STARD9: variants seen among roughly 807,000 people sequenced by gnomAD.
STARD9 encodes the protein StAR related lipid transfer domain containing 9.
STARD9 carries 346 observed loss-of-function variants against 399.8 expected under a neutral mutation model. The ratio of observed to expected loss-of-function variants is 0.87; its 90% CI spans 0.79 to 0.95. The LOEUF (loss-of-function observed/expected upper bound fraction) is 0.95. STARD9 is among the 40% of genes least tolerant of loss of function. STARD9 has a pLI of 0.00. For missense variants in STARD9, 5,832 were observed against 5,667.5 expected (o/e 1.03, Z -0.93); for synonymous variants, 2,203 against 2,143.5 (o/e 1.03, Z -0.77).
intron 1 of STARD9, among the ~76,000 whole-genome samples, chr15:42,579,057 A>C (rs1215236764): frequency 6.6e-6 from 1 of 152,180 alleles, no homozygotes; most frequent in African/African-American, 2.4e-5. Context: ...ATGGCTACTT[A>C]ACTATGAGGG....
At chr15:42,642,842 A>C (rs1211511859) in intron 7 of STARD9, among the ~76,000 whole-genome samples, 4 of 152,196 alleles carry the variant, frequency 2.6e-5, no homozygotes, top group African/African-American at 9.7e-5. Flanking sequence ...ACTGTCATCC[A>C]GGCCGGAGTG....
At chr15:42,624,691 G>C (rs926927072) in intron 3 of STARD9, among the ~76,000 whole-genome samples, 23 of 151,954 alleles carry the variant, frequency 1.5e-4, no homozygotes, top group African/African-American at 5.6e-4. Context: ...TGGGACTACA[G>C]GCATGCGCCA....
At position 42,616,626 on chromosome 15, in the gene STARD9, C is replaced by T. The variant is rs531846503; in HGVS notation, c.235-18230C>T. Among the ~76,000 whole-genome samples the T allele has an allele frequency of 2.6e-5, 4 of 152,022 alleles. No individual in the cohort carries two copies. In the South Asian group the frequency reaches 6.2e-4, roughly 24 times the overall value. On this transcript the variant is annotated intron_variant, in intron 3 of 32. Coordinates refer to ENST00000290607, the MANE Select transcript of STARD9 (RefSeq NM_020759.3). ...TTAGAGAATGGCCGGGTGCAGTGGC[C>T]CATACCTGTAATCCCAGCACTTTGG...
intron 3 of STARD9, among the ~76,000 whole-genome samples, chr15:42,615,013 AT>A (rs111730580): frequency 2.6e-4 from 36 of 135,980 alleles, no homozygotes; most frequent in Non-Finnish European, 3.2e-4. Flanking sequence ...ATAGTCAAGG[AT>A]TTTTTTTTTT....
intron 3 of STARD9, among the ~76,000 whole-genome samples, chr15:42,615,097 C>G (rs935160177): frequency 1.3e-5 from 2 of 149,482 alleles, no homozygotes; most frequent in African/African-American, 4.9e-5. Context: ...CCATCTCTGT[C>G]TCCTGGGTTC....
At chr15:42,648,232 G>A (rs1245461014) in intron 7 of STARD9, among the ~76,000 whole-genome samples, 5 of 151,994 alleles carry the variant, frequency 3.3e-5, no homozygotes, top group African/African-American at 2.4e-5. Context: ...GCGCGATCTC[G>A]GCTCACTGCA....
chr15:42,632,144 T>G (rs887227858), intron 3 of STARD9, among the ~76,000 whole-genome samples: 13 of 152,232 alleles, frequency 8.5e-5, no homozygotes, highest in Admixed American at 2.6e-4. Context: ...CATATATATT[T>G]ATAATTGTTA....
At chr15:42,588,131 A>C (rs993015814) in intron 3 of STARD9, among the ~76,000 whole-genome samples, 1 of 152,142 alleles carries the variant, frequency 6.6e-6, no homozygotes, top group African/African-American at 2.4e-5. Context: ...TTCTGTACAT[A>C]AGAGGAATTA....
rs1566936020 is a variant in STARD9, at chr15:42,685,819, C to G, written c.4241C>G (p.Thr1414Arg). Residue 1414 changes from threonine to arginine, a missense_variant, in exon 23 of 33, where the codon ACA (threonine) becomes AGA (arginine). By Grantham distance (71) the Thr-to-Arg change is moderately conservative. This residue lies in a region of STARD9 where 5,828 missense variants were observed against 5,651.1 expected (regional missense o/e 1.03). Coordinates refer to ENST00000290607, the MANE Select transcript of STARD9 (RefSeq NM_020759.3). ...CTCTGCAGTGCAAGAGATGAGCACA[C>G]AGCCTCTGCTGCTGATACGTCTAGG... ...ELLCSARDEHTASAADTSRLS... is the reference protein window; with the variant it reads ...ELLCSARDEHRASAADTSRLS... The G allele has an allele frequency of 1.3e-6, 2 of 1,537,196 alleles. No homozygotes were observed. The highest frequency in any genetic ancestry group is 1.7e-6 in the Non-Finnish European group (2 of 1,146,950).
At chr15:42,661,456 T>C (rs1194324958) in intron 10 of STARD9, among the ~76,000 whole-genome samples, 1 of 151,904 alleles carries the variant, frequency 6.6e-6, no homozygotes, top group South Asian at 2.1e-4. Flanking sequence ...TTTTCTTTTT[T>C]TGAGACAGTC....
rs1406658597 is a variant in STARD9, at chr15:42,692,025, T to G, written c.10447T>G (p.Trp3483Gly). 11 of 1,537,256 alleles carry G rather than the reference T, an allele frequency of 7.2e-6. No homozygotes were observed. The East Asian group carries it at 2.7e-4, about 38-fold the overall frequency. ...WRPEEPARIS[W>G]KQYMSGSAVD... ...TCCGGAGGAGCCTGCACGTATCAGC[T>G]GGAAGCAGTATATGTCTGGCAGTGC... The change falls in exon 23 of 33, where the codon TGG becomes GGG. Residue 3483 changes from tryptophan (W) to glycine (G), a missense_variant. Trp to Gly is a radical substitution (Grantham distance 184). Transcript: ENST00000290607.
intron 7 of STARD9, among the ~76,000 whole-genome samples, chr15:42,644,434 A>G (rs1206728693): frequency 1.3e-5 from 2 of 152,152 alleles, no homozygotes; most frequent in African/African-American, 4.8e-5. Context: ...CAGAGATTGC[A>G]GTGAGCCAGG....
chr15:42,689,295 A>C lies in STARD9; in HGVS notation c.7717A>C (p.Thr2573Pro), dbSNP rs2060634721. The change falls in exon 23 of 33, where the codon ACA becomes CCA. Residue 2573 changes from threonine to proline, a missense_variant. Around this residue, in one of 2 missense-constraint regions of STARD9, gnomAD observed 5,828 missense variants for 5,651.1 expected, o/e 1.03. Coordinates refer to ENST00000290607, the MANE Select transcript of STARD9 (RefSeq NM_020759.3). ...KQLHDFVARG[T>P]VLSYCETLLE... Reference sequence around the variant, plus strand: ...GCTTCATGACTTTGTGGCCAGGGGCACAGTCCTTTCTTACTGTGAAACTTT... The same window carrying C: ...GCTTCATGACTTTGTGGCCAGGGGCCCAGTCCTTTCTTACTGTGAAACTTT... 6.5e-7 allele frequency: 1 copy of C among 1,537,148 alleles called. No individual in the cohort carries two copies. Among genetic ancestry groups the C allele is most frequent in the African/African-American group, 1.4e-5 (1 of 73,056 alleles).
chr15:42,690,017 A>G lies in STARD9; in HGVS notation c.8439A>G (p.Glu2813=). 1 of 1,537,422 alleles carries G rather than the reference A, an allele frequency of 6.5e-7. No individual in the cohort carries two copies. Among genetic ancestry groups the G allele is most frequent in the Non-Finnish European group, 8.7e-7 (1 of 1,146,950 alleles). ...AGGGAGAAAAAACAGCCCATTTTGAAAGTCAGTCTGTGACCTGTGATGTTC... is the reference window on the plus strand; with the variant it reads ...AGGGAGAAAAAACAGCCCATTTTGAGAGTCAGTCTGTGACCTGTGATGTTC... ...TAQGEKTAHF[E]SQSVTCDVQN... The change falls in exon 23 of 33, where the codon GAA becomes GAG. Residue 2813 remains glutamate, a synonymous_variant. Coordinates refer to ENST00000290607, the MANE Select transcript of STARD9 (RefSeq NM_020759.3).
chr15:42,717,682 T>C, intron 28 of STARD9, 49 bp from the exon 29 acceptor site: 2 of 1,497,890 alleles, frequency 1.3e-6, no homozygotes, highest in Non-Finnish European at 1.8e-6. Flanking sequence ...ACCCAGGGGC[T>C]TAGTTTTTAC....
chr15:42,597,970 CTG>C (rs149916930), intron 3 of STARD9, among the ~76,000 whole-genome samples: 15 of 138,990 alleles, frequency 1.1e-4, no homozygotes, highest in Admixed American at 1.4e-4. Flanking sequence ...TGCTCCCAGC[CTG>C]TGTGTGTGTG....
intron 3 of STARD9, among the ~76,000 whole-genome samples, chr15:42,613,010 AGAG>A (rs1238827508): frequency 6.7e-6 from 1 of 148,946 alleles, no homozygotes; most frequent in Non-Finnish European, 1.5e-5. Context: ...AAAAAAAAAA[AGAG>A]CAACATCTGT....
chr15:42,715,274 A>G (rs1217269443), intron 26 of STARD9, among the ~76,000 whole-genome samples: 2 of 152,160 alleles, frequency 1.3e-5, no homozygotes, highest in Non-Finnish European at 2.9e-5. Flanking sequence ...ACGAGGGCAA[A>G]TGTTAGATTA....
In STARD9 at chr15:42,694,532, A is replaced by G; in HGVS notation, c.12769A>G (p.Lys4257Glu). Residue 4257 changes from lysine (K) to glutamate (E), a missense_variant, in exon 24 of 33, where the codon AAA (lysine) becomes GAA (glutamate). Physicochemically the swap from Lys to Glu is moderately conservative, Grantham distance 56. Coordinates refer to ENST00000290607, the MANE Select transcript of STARD9 (RefSeq NM_020759.3). ...STWKELYARQ[K>E]KAIETLRRER... is the part of the protein sequence containing the mutation. ...GCGAATCGTGTTTTGCCTCAGGCAA[A>G]AAAAGGCCATTGAGACCCTCAGGAG... 6.5e-7 allele frequency: 1 copy of G among 1,537,160 alleles called. No homozygotes were observed. Among genetic ancestry groups the G allele is most frequent in the South Asian group, 1.2e-5 (1 of 84,064 alleles).
Sources: allele counts gnomAD v4.1 joint callset (sites outside exome capture counted in the v4.1 genomes callset), GRCh38; gene constraint gnomAD v4.1.1; regional missense constraint gnomAD v4.1.1; transcripts MANE v1.5; gene names NCBI Gene and HGNC (gene_info 2026-07-23, HGNC 2026-07-21).